MOSMO: variants seen among roughly 807,000 people sequenced by gnomAD.
MOSMO encodes modulator of smoothened protein.
MOSMO carries 5 observed loss-of-function variants against 18.4 expected under a neutral mutation model. The ratio of observed to expected loss-of-function variants is 0.27; its 90% confidence interval spans 0.14 to 0.57. The LOEUF (loss-of-function observed/expected upper bound fraction) is 0.57, where lower values mean the gene tolerates loss of function less well. Among genes scored for constraint, MOSMO ranks in the 20% least tolerant of loss-of-function variants. MOSMO has a pLI of 0.92. For missense variants in MOSMO, 138 were observed against 211.8 expected (o/e 0.65, Z 2.16); for synonymous variants, 82 against 82.3 (o/e 1.00, Z 0.02).
At chr16:22,077,681 C>G (rs1900996676) in intron 2 of MOSMO, among the ~76,000 whole-genome samples, 2 of 152,050 alleles carry the variant, frequency 1.3e-5, no homozygotes, top group African/African-American at 4.8e-5. Context: ...TTTAAGCAAG[C>G]ATAGAGCTCC....
intron 1 of MOSMO, among the ~76,000 whole-genome samples, chr16:22,059,304 A>G (rs997889547): frequency 4.6e-5 from 7 of 152,182 alleles, no homozygotes; most frequent in Admixed American, 3.9e-4. Flanking sequence ...TTCAGATGTA[A>G]TAAGGAAGGT....
At chr16:22,043,351 C>G (rs1286032823) in intron 1 of MOSMO, among the ~76,000 whole-genome samples, 5 of 152,108 alleles carry the variant, frequency 3.3e-5, no homozygotes, top group Admixed American at 3.3e-4. Flanking sequence ...CAGTACATTT[C>G]CATTTCTGAC....
intron 1 of MOSMO, among the ~76,000 whole-genome samples, chr16:22,032,471 C>T (rs971699223): frequency 2.0e-5 from 3 of 152,110 alleles, no homozygotes; most frequent in Non-Finnish European, 4.4e-5. Flanking sequence ...GAATTACAGG[C>T]ATGAGCCACT....
chr16:22,014,211 G>A (rs540405227), intron 1 of MOSMO, among the ~76,000 whole-genome samples: 1 of 152,226 alleles, frequency 6.6e-6, no homozygotes, highest in Admixed American at 6.5e-5. Flanking sequence ...GTCAGATGAA[G>A]TCAGTCCTTG....
chr16:22,025,566 C>A lies in MOSMO; in HGVS notation c.106+17159C>A, dbSNP rs184464986. ...TGAATACAAATTGAAATCAGTGAGC[C>A]TAACTGTACATCAAATTAATCATGT... On this transcript the variant is annotated intron_variant, in intron 1 of 2. Coordinates refer to ENST00000542527, the MANE Select transcript of MOSMO (RefSeq NM_001164579.2). 7.4e-4 allele frequency among the ~76,000 whole-genome samples: 112 copies of A among 152,122 alleles called. No homozygotes were observed. In the East Asian group the frequency reaches 0.013, roughly 18 times the overall value.
At chr16:22,032,057 G>A (rs1268672238) in intron 1 of MOSMO, among the ~76,000 whole-genome samples, 1 of 152,136 alleles carries the variant, frequency 6.6e-6, no homozygotes, top group Non-Finnish European at 1.5e-5. Context: ...TGTTGGGTAT[G>A]AAGTAGTTTC....
Position 22,081,597 on chromosome 16 carries a change from G to C in MOSMO, c.*717G>C, listed in dbSNP as rs527257035. The C allele has an allele frequency of 2.7e-5, 4 of 149,198 alleles. No individual in the cohort carries two copies. Among genetic ancestry groups the C allele is most frequent in the Admixed American group, 6.7e-5 (1 of 14,932 alleles). The allele number at this position is 149,198 out of a possible 1,614,324, so 9.2% of individuals were successfully genotyped here. On this transcript the variant is annotated 3_prime_UTR_variant, in exon 3 of 3. Coordinates refer to ENST00000542527, the MANE Select transcript of MOSMO (RefSeq NM_001164579.2). The stretch of plus-strand genomic sequence containing the variant: ...ATATATATAATATATATATTTTGCT[G>C]ATGCAGTATACAGTGTGTATATATG...
the MOSMO span, chr16:22,092,581 C>T: frequency 5.8e-6 from 9 of 1,546,152 alleles, no homozygotes; most frequent in South Asian, 9.6e-5. Context: ...AAGTGAGATC[C>T]AGGAGAAGTA....
At chr16:22,047,418 G>A (rs887010275) in intron 1 of MOSMO, among the ~76,000 whole-genome samples, 8 of 151,534 alleles carry the variant, frequency 5.3e-5, no homozygotes, top group African/African-American at 1.9e-4. Flanking sequence ...CTAATTTTTT[G>A]TATTTTTAGT....
intron 1 of MOSMO, among the ~76,000 whole-genome samples, chr16:22,012,605 T>C (rs1899554359): frequency 6.6e-6 from 1 of 152,130 alleles, no homozygotes; most frequent in African/African-American, 2.4e-5. Flanking sequence ...ACAGCCATGC[T>C]TAGAACAAGT....
At chr16:22,027,724 T>C (rs1270055764) in intron 1 of MOSMO, among the ~76,000 whole-genome samples, 1 of 152,210 alleles carries the variant, frequency 6.6e-6, no homozygotes, top group African/African-American at 2.4e-5. Flanking sequence ...ACCAAAACAC[T>C]GAAGATTCTG....
intron 1 of MOSMO, among the ~76,000 whole-genome samples, chr16:22,052,242 A>G (rs1204928805): frequency 6.6e-6 from 1 of 152,188 alleles, no homozygotes; most frequent in Non-Finnish European, 1.5e-5. Context: ...CAGTATATCT[A>G]TATGCTAGAA....
intron 1 of MOSMO, among the ~76,000 whole-genome samples, chr16:22,020,994 A>G (rs914764389): frequency 3.2e-4 from 49 of 150,802 alleles, no homozygotes; most frequent in African/African-American, 9.2e-4. Flanking sequence ...GAGTTAACTC[A>G]GTAGAGCTGA....
At chr16:22,043,297 A>G (rs1468718748) in intron 1 of MOSMO, among the ~76,000 whole-genome samples, 1 of 152,148 alleles carries the variant, frequency 6.6e-6, no homozygotes, top group Non-Finnish European at 1.5e-5. Context: ...GCTTTTTTTC[A>G]TTAAATTCTG....
chr16:22,009,368 G>A (rs2141973914), intron 1 of MOSMO, among the ~76,000 whole-genome samples: 1 of 152,230 alleles, frequency 6.6e-6, no homozygotes, highest in East Asian at 1.9e-4. Flanking sequence ...GAGGCAAGGT[G>A]GTGCCCTCGG....
chr16:22,012,499 G>A (rs1201041032), intron 1 of MOSMO, among the ~76,000 whole-genome samples: 1 of 152,168 alleles, frequency 6.6e-6, no homozygotes, highest in Non-Finnish European at 1.5e-5. Flanking sequence ...AAGAACAGGT[G>A]TCAGAATCCA....
intron 1 of MOSMO, among the ~76,000 whole-genome samples, chr16:22,048,817 C>T (rs966629667): frequency 2.6e-5 from 4 of 152,060 alleles, no homozygotes; most frequent in Non-Finnish European, 5.9e-5. Context: ...TCCTACTCCA[C>T]GTTTATAGTT....
At chr16:22,092,169 G>A (rs1307349842), downstream of MOSMO, 2 of 155,916 alleles carry the variant, frequency 1.3e-5, no homozygotes, top group African/African-American at 4.8e-5. Context: ...TGTGTTCAGG[G>A]AACCCAAGGG....
chr16:22,011,932 T>TAAAAA (rs535652740), intron 1 of MOSMO, among the ~76,000 whole-genome samples: 4 of 120,540 alleles, frequency 3.3e-5, no homozygotes, highest in Admixed American at 9.0e-5. Flanking sequence ...AGTCCTGAGT[T>TAAAAA]AAAAAAAAAA....
Sources: allele counts gnomAD v4.1 joint callset (sites outside exome capture counted in the v4.1 genomes callset), GRCh38; gene constraint gnomAD v4.1.1; transcripts MANE v1.5; gene names NCBI Gene and HGNC (gene_info 2026-07-23, HGNC 2026-07-21).